GPR15LG: variants seen among roughly 807,000 people sequenced by gnomAD.
GPR15LG encodes G protein-coupled receptor 15 ligand, also known as protein GPR15LG.
At chr10:84,177,269 C>A in the GPR15LG span, among the ~76,000 whole-genome samples, 4 of 152,368 alleles carry the variant, frequency 2.6e-5, no homozygotes, top group Non-Finnish European at 5.9e-5. Flanking sequence ...CAGTTCCCTG[C>A]ACAGGGGCTG....
the GPR15LG span, among the ~76,000 whole-genome samples, chr10:84,174,842 A>G: frequency 6.6e-6 from 1 of 151,736 alleles, no homozygotes; most frequent in Non-Finnish European, 1.5e-5. Flanking sequence ...CTCTTGTCTA[A>G]CCCTCTAGAA....
At chr10:84,181,257 TA>T in the GPR15LG span, among the ~76,000 whole-genome samples, 1 of 146,972 alleles carries the variant, frequency 6.8e-6, no homozygotes, top group African/African-American at 2.6e-5. Flanking sequence ...TTTTTTTTTT[TA>T]AGTAGAGGCA....
the GPR15LG span, chr10:84,174,012 G>A: frequency 3.6e-4 from 374 of 1,043,064 alleles, 1 homozygote; most frequent in Middle Eastern, 3.3e-3. Context: ...AGGCCTTGGC[G>A]GGCAGGCCTT....
the GPR15LG span, among the ~76,000 whole-genome samples, chr10:84,178,810 A>T: frequency 1.4e-3 from 220 of 152,334 alleles, 1 homozygote; most frequent in African/African-American, 5.1e-3. Flanking sequence ...GTATATTTTT[A>T]AAATTCCATT....
the GPR15LG span, among the ~76,000 whole-genome samples, chr10:84,180,508 C>G: frequency 2.0e-4 from 29 of 146,630 alleles, no homozygotes; most frequent in Admixed American, 5.4e-4. Flanking sequence ...GGCAGAGGCG[C>G]TCCCCACATC....
the GPR15LG span, among the ~76,000 whole-genome samples, chr10:84,179,877 C>CT: frequency 0.65 from 86,048 of 132,270 alleles, 26,730 homozygotes; most frequent in African/African-American, 0.74. Flanking sequence ...TTTAAAAAGG[C>CT]TTTTTTTTTT....
At chr10:84,185,156 C>T in the GPR15LG span, 15 of 920,150 alleles carry the variant, frequency 1.6e-5, no homozygotes, top group Non-Finnish European at 1.9e-5. Flanking sequence ...TCTTCAGGTC[C>T]ATTCAGCCTC....
At chr10:84,181,016 A>G in the GPR15LG span, among the ~76,000 whole-genome samples, 1 of 152,206 alleles carries the variant, frequency 6.6e-6, no homozygotes, top group Non-Finnish European at 1.5e-5. Context: ...GGGAGGTTGC[A>G]GTGAGCCAAG....
the GPR15LG span, among the ~76,000 whole-genome samples, chr10:84,177,081 G>A: frequency 6.6e-6 from 1 of 152,198 alleles, no homozygotes; most frequent in African/African-American, 2.4e-5. Flanking sequence ...TGGGCCTGAG[G>A]GTCCAGAGAG....
At chr10:84,178,938 A>G in the GPR15LG span, among the ~76,000 whole-genome samples, 4 of 152,224 alleles carry the variant, frequency 2.6e-5, no homozygotes, top group African/African-American at 9.6e-5. Flanking sequence ...CGTCACCATT[A>G]TATAGATTGG....
chr10:84,180,625 T>A, the GPR15LG span, among the ~76,000 whole-genome samples: 1 of 151,028 alleles, frequency 6.6e-6, no homozygotes, highest in Non-Finnish European at 1.5e-5. Flanking sequence ...GCAGAGGGGC[T>A]CCTCACATCC....
the GPR15LG span, among the ~76,000 whole-genome samples, chr10:84,175,648 G>A: frequency 6.6e-6 from 1 of 152,150 alleles, no homozygotes; most frequent in African/African-American, 2.4e-5. Context: ...GGGAAAACAG[G>A]TGCGCACCAC....
chr10:84,185,191 G>C, the GPR15LG span: 5,612 of 572,614 alleles, frequency 9.8e-3, 253 homozygotes, highest in African/African-American at 0.11. Context: ...CCAGCATCCA[G>C]TGGTCCCCAA....
At chr10:84,181,091 G>A in the GPR15LG span, among the ~76,000 whole-genome samples, 1,525 of 150,730 alleles carry the variant, frequency 0.01, 42 homozygotes, top group African/African-American at 0.035. Context: ...AGGAGGGAGA[G>A]GGAGAGGCCT....
chr10:84,179,365 A>G, the GPR15LG span, among the ~76,000 whole-genome samples: 4 of 152,178 alleles, frequency 2.6e-5, no homozygotes, highest in African/African-American at 4.8e-5. Flanking sequence ...GGCTGCTGGC[A>G]CAGGAGATGA....
the GPR15LG span, chr10:84,184,918 C>T: frequency 3.4e-6 from 5 of 1,482,964 alleles, no homozygotes; most frequent in South Asian, 2.6e-5. Flanking sequence ...GGGAAAGTTC[C>T]AGAACTCCAC....
the GPR15LG span, among the ~76,000 whole-genome samples, chr10:84,175,173 A>G: frequency 6.6e-6 from 1 of 152,242 alleles, no homozygotes; most frequent in Non-Finnish European, 1.5e-5. Context: ...TAGTGGGATT[A>G]TAACAAGTGT....
chr10:84,175,708 G>A, the GPR15LG span, among the ~76,000 whole-genome samples: 2 of 152,122 alleles, frequency 1.3e-5, no homozygotes, highest in African/African-American at 4.8e-5. Context: ...GTCTCTCTAA[G>A]TTGCCCAGGC....
the GPR15LG span, among the ~76,000 whole-genome samples, chr10:84,182,321 T>C: frequency 6.6e-6 from 1 of 152,250 alleles, no homozygotes; most frequent in Non-Finnish European, 1.5e-5. Flanking sequence ...TTATATCTGT[T>C]AGCCATAGCT....
Sources: allele counts gnomAD v4.1 joint callset (sites outside exome capture counted in the v4.1 genomes callset), GRCh38; gene constraint gnomAD v4.1.1; transcripts MANE v1.5; gene names NCBI Gene and HGNC (gene_info 2026-07-23, HGNC 2026-07-21).